Variants in SGCE observed in about 807,000 individuals in gnomAD.
SGCE encodes sarcoglycan epsilon.
A neutral mutation model predicts 57.8 loss-of-function variants in SGCE; 26 were observed. That is an observed-to-expected ratio of 0.45 (90% confidence interval 0.33 to 0.62). SGCE has a LOEUF of 0.62. SGCE is among the 20% of genes least tolerant of loss of function. The pLI is 0.02. For missense variants in SGCE, 468 were observed against 548.6 expected (o/e 0.85, Z 1.47); for synonymous variants, 183 against 189.5 (o/e 0.97, Z 0.28).
At chr7:94,639,812 A>C (rs367778478) in intron 1 of SGCE, among the ~76,000 whole-genome samples, 1 of 152,342 alleles carries the variant, frequency 6.6e-6, no homozygotes, top group African/African-American at 2.4e-5. Flanking sequence ...GGAAGCAATT[A>C]TCTCTGGCTA....
At chr7:94,625,267 T>C (rs1803512298) in intron 3 of SGCE, 1 of 152,028 alleles carries the variant, frequency 6.6e-6, no homozygotes, top group African/African-American at 2.4e-5. Context: ...AAATAGAATA[T>C]TTTAAAATAC....
chr7:94,604,413 TAC>T (rs139796978), intron 5 of SGCE, among the ~76,000 whole-genome samples: 75 of 148,402 alleles, frequency 5.1e-4, no homozygotes, highest in African/African-American at 8.6e-4. Context: ...AGAATAGCCA[TAC>T]ACACACACAC....
At chr7:94,598,601 G>A (rs1181665390) in intron 9 of SGCE, 174 bp downstream of exon 9, 3 of 634,218 alleles carry the variant, frequency 4.7e-6, no homozygotes, top group Non-Finnish European at 8.4e-6. Context: ...TTTCCTAAAA[G>A]TAATTGTATT....
At chr7:94,625,677 T>C (rs558790067) in intron 3 of SGCE, 2 of 152,256 alleles carry the variant, frequency 1.3e-5, no homozygotes, top group South Asian at 4.1e-4. Flanking sequence ...TTTTTTTAAT[T>C]GAACATTGTG....
chr7:94,629,413 A>G (rs1337467771), intron 2 of SGCE: 1 of 291,090 alleles, frequency 3.4e-6, no homozygotes, highest in Non-Finnish European at 6.6e-6. Context: ...CTAGGTCTTA[A>G]TATAGAAAAT....
intron 1 of SGCE, among the ~76,000 whole-genome samples, chr7:94,634,853 A>G (rs886326633): frequency 4.6e-5 from 7 of 152,214 alleles, no homozygotes; most frequent in Admixed American, 2.6e-4. Context: ...ACAAATAAAT[A>G]GGTGTACAAT....
At chr7:94,605,892 G>T (rs563323577) in intron 5 of SGCE, among the ~76,000 whole-genome samples, 1 of 152,044 alleles carries the variant, frequency 6.6e-6, no homozygotes, top group Non-Finnish European at 1.5e-5. Flanking sequence ...CTGGAGTGCA[G>T]ATCTCAGCTC....
intron 6 of SGCE, among the ~76,000 whole-genome samples, chr7:94,602,056 T>C (rs1043020575): frequency 3.9e-5 from 6 of 152,150 alleles, no homozygotes; most frequent in African/African-American, 1.4e-4. Flanking sequence ...ATTTTTTAAC[T>C]TTTAGAGACT....
chr7:94,650,086 G>A lies in SGCE; in HGVS notation c.109+5904C>T, dbSNP rs368289306. On this transcript the variant is annotated intron_variant, in intron 1 of 10. Transcript: ENST00000648936. ...TACAGGAAAGAAAAATCTGCCTCAA[G>A]ACATGTTTGAGACACTAAGAATGTG... 3.3e-5 allele frequency among the ~76,000 whole-genome samples: 5 copies of A among 152,308 alleles called. No individual in the cohort carries two copies. The South Asian group carries it at 1.0e-3, about 32-fold the overall frequency.
At chr7:94,623,921 A>G (rs1424334846) in intron 3 of SGCE, 6 of 366,200 alleles carry the variant, frequency 1.6e-5, no homozygotes, top group African/African-American at 4.2e-5. Context: ...GGAGTAAAGT[A>G]GTAAGGATCA....
chr7:94,653,587 C>G (rs1808179460), intron 1 of SGCE, among the ~76,000 whole-genome samples: 1 of 152,012 alleles, frequency 6.6e-6, no homozygotes, highest in African/African-American at 2.4e-5. Context: ...TTCTAGACAA[C>G]ACAAAAATGT....
chr7:94,633,534 AG>A (rs1366116462), intron 1 of SGCE, among the ~76,000 whole-genome samples: 2 of 152,092 alleles, frequency 1.3e-5, no homozygotes, highest in African/African-American at 2.4e-5. Flanking sequence ...TTTCATTCAC[AG>A]GGTATAGAAT....
At chr7:94,610,834 A>G (rs1800907744) in intron 5 of SGCE, among the ~76,000 whole-genome samples, 1 of 152,206 alleles carries the variant, frequency 6.6e-6, no homozygotes, top group Non-Finnish European at 1.5e-5. Flanking sequence ...TAAAAATGGC[A>G]AAGGATATGA....
At chr7:94,629,003 T>A in intron 2 of SGCE, 1 of 152,562 alleles carries the variant, frequency 6.6e-6, no homozygotes, top group South Asian at 2.1e-4. Flanking sequence ...AGTTTTCAGG[T>A]ACAGTATTCA....
chr7:94,627,047 T>A (rs2116948180), intron 3 of SGCE: 1 of 152,196 alleles, frequency 6.6e-6, no homozygotes, highest in South Asian at 2.1e-4. Context: ...AATTTGACAA[T>A]AGCTCAAACT....
intron 1 of SGCE, among the ~76,000 whole-genome samples, chr7:94,641,169 T>A (rs558249979): frequency 6.6e-6 from 1 of 152,192 alleles, no homozygotes; most frequent in African/African-American, 2.4e-5. Flanking sequence ...GTGATCAACA[T>A]CCTCACTTAC....
At chr7:94,608,706 T>C (rs1411317929) in intron 5 of SGCE, among the ~76,000 whole-genome samples, 8 of 152,176 alleles carry the variant, frequency 5.3e-5, no homozygotes, top group African/African-American at 1.9e-4. Context: ...GACAGTGTAG[T>C]ATTGGGAAAT....
intron 4 of SGCE, 45 bp from the exon 5 acceptor site, chr7:94,619,001 C>A: frequency 7.5e-7 from 1 of 1,332,372 alleles, no homozygotes. Flanking sequence ...ATGAAGTAGT[C>A]TTTTAAAAAG....
At chr7:94,607,390 G>A (rs1205676706) in intron 5 of SGCE, among the ~76,000 whole-genome samples, 1 of 152,010 alleles carries the variant, frequency 6.6e-6, no homozygotes, top group Non-Finnish European at 1.5e-5. Context: ...ATAAACACAG[G>A]TGCAAAAATC....
Sources: allele counts gnomAD v4.1 joint callset (sites outside exome capture counted in the v4.1 genomes callset), GRCh38; gene constraint gnomAD v4.1.1; transcripts MANE v1.5; gene names NCBI Gene and HGNC (gene_info 2026-07-23, HGNC 2026-07-21).